The following HEG1 variants were observed in gnomAD, a reference collection of about 807,000 sequenced individuals.
The protein encoded by HEG1 is heart development protein with EGF like domains 1.
Under a neutral mutation model 125.6 loss-of-function variants are expected in HEG1, and 56 were observed. That is an observed-to-expected ratio of 0.45 (90% CI 0.36 to 0.56). The LOEUF is 0.56. Ranked by LOEUF, HEG1 falls within the 20% of genes least tolerant of loss-of-function variation. HEG1 has a pLI of 0.00. For missense variants in HEG1, 1,523 were observed against 1,670.0 expected, an observed-to-expected ratio of 0.91 and a Z score of 1.53; for synonymous variants, 644 against 668.5, an observed-to-expected ratio of 0.96 and a Z score of 0.57.
intron 1 of HEG1, among the ~76,000 whole-genome samples, chr3:125,052,241 C>T (rs80148240): frequency 0.038 from 5,823 of 151,852 alleles, 368 homozygotes; most frequent in African/African-American, 0.13. Context: ...AGGTAGCCGC[C>T]TTCTGGAGGG....
chr3:125,033,652 G>A (rs1213115328), intron 1 of HEG1, among the ~76,000 whole-genome samples: 2 of 152,132 alleles, frequency 1.3e-5, no homozygotes, highest in Non-Finnish European at 2.9e-5. Context: ...AAAACCCACC[G>A]AATTGTATAC....
At chr3:125,017,361 A>T (rs1937267431) in intron 5 of HEG1, among the ~76,000 whole-genome samples, 1 of 152,220 alleles carries the variant, frequency 6.6e-6, no homozygotes, top group African/African-American at 2.4e-5. Context: ...GGCCATAAAG[A>T]ACTCTTACAA....
intron 1 of HEG1, among the ~76,000 whole-genome samples, chr3:125,055,078 C>A (rs1211494220): frequency 6.6e-6 from 1 of 152,182 alleles, no homozygotes; most frequent in East Asian, 1.9e-4. Flanking sequence ...TTAAGTCGAA[C>A]CAGTAGAGCG....
chr3:125,023,841 A>T (rs1937374570), intron 3 of HEG1, among the ~76,000 whole-genome samples: 1 of 152,140 alleles, frequency 6.6e-6, no homozygotes, highest in Non-Finnish European at 1.5e-5. Flanking sequence ...AAGAATGCCT[A>T]CTCGTCTGCT....
At position 125,005,385 on chromosome 3, in the gene HEG1, A is replaced by C; in HGVS notation, c.3194-17T>G. On this transcript the variant is annotated splice_polypyrimidine_tract_variant and intron_variant, in intron 8 of 16. Coordinates refer to ENST00000311127, the MANE Select transcript of HEG1 (RefSeq NM_020733.2). ...AGGTTCTAACTGAAAATGAAAATGT[A>C]ACTTGTTAGATTACACAACAGAAGA... 7.2e-7 allele frequency: 1 copy of C among 1,390,690 alleles called. No homozygotes were observed. Among genetic ancestry groups the C allele is most frequent in the East Asian group, 2.3e-5 (1 of 43,268 alleles). The allele number at this position is 1,390,690 out of a possible 1,614,324, so 86.1% of individuals were successfully genotyped here.
intron 14 of HEG1, among the ~76,000 whole-genome samples, chr3:124,988,573 A>G (rs138218173): frequency 3.9e-5 from 6 of 152,178 alleles, no homozygotes; most frequent in African/African-American, 1.4e-4. Context: ...GGGACTTCTA[A>G]AGAGTACAGG....
chr3:124,986,716 G>A (rs1345482848), intron 14 of HEG1, among the ~76,000 whole-genome samples: 1 of 152,158 alleles, frequency 6.6e-6, no homozygotes, highest in African/African-American at 2.4e-5. Flanking sequence ...GCCCTCTGCT[G>A]GACACAGTGA....
In HEG1 at chr3:125,012,746, C is replaced by A; in HGVS notation, c.2833G>T (p.Gly945Ter). Residue 945 changes from glycine to a stop codon, truncating the protein, a stop_gained, in exon 6 of 17, where the codon GGA (glycine) becomes TGA (stop). Transcript: ENST00000311127. LOFTEE classifies it high-confidence loss of function. ...GTGGTTTGGGGAGAAGGAGATGTTC[C>A]GAGGGAACGTGAAGCTGGGCTGTAC... ...AEYSPASRSLGTSPSPQTTVV... is the reference protein window; with the variant it reads ...AEYSPASRSL The A allele has an allele frequency of 6.2e-7, 1 of 1,613,946 alleles. No homozygotes were observed. The highest frequency in any genetic ancestry group is 1.3e-5 in the African/African-American group (1 of 75,036).
chr3:124,992,492 G>A (rs371209666), intron 12 of HEG1, among the ~76,000 whole-genome samples: 176 of 152,268 alleles, frequency 1.2e-3, no homozygotes, highest in African/African-American at 3.9e-3. Context: ...AAAAGATCCC[G>A]AATAAGAAAA....
intron 12 of HEG1, among the ~76,000 whole-genome samples, chr3:124,997,328 G>A (rs755602436): frequency 7.9e-4 from 120 of 152,158 alleles, no homozygotes; most frequent in Non-Finnish European, 1.0e-3. Flanking sequence ...CTGACCCCAC[G>A]CTTGTACTTC....
rs1937464735 is a variant in HEG1, at chr3:125,029,422, T to C, written c.383A>G (p.Gln128Arg). 1.9e-6 allele frequency: 3 copies of C among 1,606,418 alleles called. No individual in the cohort carries two copies. Among genetic ancestry groups the C allele is most frequent in the Non-Finnish European group, 2.5e-6 (3 of 1,179,818 alleles). Reference sequence around the variant, plus strand: ...CACTGTTGAAAAGTCCTCTTGATTCTGATAGAAGGTGATGTTTTCTACATG... The same window carrying C: ...CACTGTTGAAAAGTCCTCTTGATTCCGATAGAAGGTGATGTTTTCTACATG... ...EAHVENITFY[Q>R]NQEDFSTVSS... is the part of the protein sequence containing the mutation. The change falls in exon 2 of 17, where the codon CAG (glutamine) becomes CGG (arginine). Residue 128 changes from glutamine to arginine, a missense_variant. Gln to Arg is a conservative substitution (Grantham distance 43). Coordinates refer to ENST00000311127, the MANE Select transcript of HEG1 (RefSeq NM_020733.2).
Position 125,027,428 on chromosome 3 carries a change from T to C in HEG1, c.690A>G (p.Thr230=). 1 of 1,614,020 alleles carries C rather than the reference T, an allele frequency of 6.2e-7. No individual in the cohort carries two copies. The highest frequency in any genetic ancestry group is 8.5e-7 in the Non-Finnish European group (1 of 1,179,896). ...RIAAFQTKSG[T]ASEMGTERAM... The stretch of plus-strand genomic sequence containing the variant: ...CCCTCTCTGTTCCCATCTCCGAGGC[T>C]GTTCCACTCTTTGTTTGAAAAGCGG... Residue 230 remains threonine (T), a synonymous_variant, in exon 3 of 17, where the codon ACA becomes ACG. Transcript: ENST00000311127.
At chr3:125,007,148 G>T (rs1480977603) in intron 8 of HEG1, among the ~76,000 whole-genome samples, 2 of 140,986 alleles carry the variant, frequency 1.4e-5, no homozygotes, top group African/African-American at 5.4e-5. Context: ...GCAGTGAGCC[G>T]AGATCCCGCC....
At chr3:124,987,686 A>T (rs1160288709) in intron 14 of HEG1, among the ~76,000 whole-genome samples, 1 of 151,062 alleles carries the variant, frequency 6.6e-6, no homozygotes. Flanking sequence ...ATGCCCAGCT[A>T]ATTTTTTGTA....
chr3:125,000,264 T>G (rs1936982171), intron 11 of HEG1, among the ~76,000 whole-genome samples: 2 of 151,856 alleles, frequency 1.3e-5, no homozygotes, highest in Non-Finnish European at 2.9e-5. Context: ...AGAATGGGAG[T>G]CAGAGGGTGG....
At chr3:124,997,311 TA>T (rs1936936771) in intron 12 of HEG1, among the ~76,000 whole-genome samples, 1 of 152,090 alleles carries the variant, frequency 6.6e-6, no homozygotes, top group Non-Finnish European at 1.5e-5. Flanking sequence ...CTCTGAAAGA[TA>T]TAAGCCTGAC....
chr3:124,989,458 A>C (rs747062873), intron 14 of HEG1, among the ~76,000 whole-genome samples: 20 of 152,316 alleles, frequency 1.3e-4, no homozygotes, highest in Middle Eastern at 3.4e-3. Flanking sequence ...CTAAACTAAA[A>C]TCTTCATTGT....
chr3:124,997,807 C>T lies in HEG1; in HGVS notation c.3534G>A (p.Lys1178=). ...CTTTGTCACATTCGGGACTCTTCCG[C>T]TTGCACAAGCTGCCCGCTGGAATGG... The part of the protein sequence containing the change: ...RRIFRAGSLC[K]RKSPECDKDT... Residue 1178 remains lysine (K), a synonymous_variant, in exon 12 of 17, where the codon AAG becomes AAA. Transcript: ENST00000311127. The T allele has an allele frequency of 6.3e-7, 1 of 1,577,930 alleles. No individual in the cohort carries two copies. The highest frequency in any genetic ancestry group is 8.6e-7 in the Non-Finnish European group (1 of 1,156,788).
intron 5 of HEG1, chr3:125,014,679 G>A: frequency 8.2e-7 from 1 of 1,214,950 alleles, no homozygotes; most frequent in Non-Finnish European, 1.1e-6. Flanking sequence ...GAGCTGAAGG[G>A]ATGTGTTAAA....
Sources: allele counts gnomAD v4.1 joint callset (sites outside exome capture counted in the v4.1 genomes callset), GRCh38; gene constraint gnomAD v4.1.1; transcripts MANE v1.5; gene names NCBI Gene and HGNC (gene_info 2026-07-23, HGNC 2026-07-21).